Variants in RNF2 observed in about 807,000 individuals in gnomAD.
RNF2 encodes the protein E3 ubiquitin-protein ligase RING2.
A neutral mutation model predicts 37.2 loss-of-function variants in RNF2; 6 were observed. The observed-to-expected ratio is 0.16, with a 90% confidence interval of 0.09 to 0.32. RNF2 has a LOEUF of 0.32. Among genes scored for constraint, RNF2 ranks in the 10% least tolerant of loss-of-function variants. RNF2 has a pLI of 1.00. For missense variants in RNF2, 251 were observed against 404.0 expected (o/e 0.62, Z 3.25); for synonymous variants, 133 against 132.7 (o/e 1.00, Z -0.02).
chr1:185,094,131 G>GT (rs201377412), intron 4 of RNF2, among the ~76,000 whole-genome samples: 14,775 of 146,234 alleles, frequency 0.1, 906 homozygotes, highest in East Asian at 0.26. Flanking sequence ...TTTGGAGTCA[G>GT]TTTTTTTTTT....
At chr1:185,097,997 G>A in intron 4 of RNF2, 75 bp from the exon 5 acceptor site, 1 of 1,516,900 alleles carries the variant, frequency 6.6e-7, no homozygotes, top group Non-Finnish European at 8.9e-7. Flanking sequence ...AAGTTCAGTA[G>A]CAAACATGCT....
rs560619231 is a variant in RNF2 at position 185,059,229 on chromosome 1, A to T, written c.-3+13580A>T. Among the ~76,000 whole-genome samples, 137 of 31,320 alleles carry T rather than the reference A, an allele frequency of 4.4e-3. 1 individual carries two copies. Among genetic ancestry groups the T allele is most frequent in the Middle Eastern group, 0.013 (1 of 76 alleles). 20.5% of individuals were successfully genotyped at this position (31,320 alleles called of 152,430 possible). A position where few individuals can be genotyped will look rare whatever the true frequency, so the allele number is the denominator to read the frequency against. ...AGTCTCCTGAATCCCAGTCTGGATT[A>T]AAAAAAAAAAACCTCCGTAATAGTT... On this transcript the variant is annotated intron_variant, in intron 1 of 6. Coordinates refer to ENST00000367510, the MANE Select transcript of RNF2 (RefSeq NM_007212.4).
intron 4 of RNF2, among the ~76,000 whole-genome samples, chr1:185,094,139 T>A (rs1196423254): frequency 6.6e-6 from 1 of 151,746 alleles, no homozygotes. Context: ...CAGTTTTTTT[T>A]TTTTATTTTT....
chr1:185,063,830 A>T lies in RNF2; in HGVS notation c.-3+18181A>T, dbSNP rs558144937. ...TCAGGCCAGCTTCCCAGTGTCTTAG[A>T]TTGCTCTCTTGGACTACTACCCTGG... is the stretch of plus-strand genomic sequence containing the variant. On this transcript the variant is annotated intron_variant, in intron 1 of 6. Transcript: ENST00000367510. 7.9e-5 allele frequency among the ~76,000 whole-genome samples: 12 copies of T among 152,192 alleles called. No individual in the cohort carries two copies. In the East Asian group the frequency reaches 1.9e-3, roughly 25 times the overall value.
At chr1:185,095,341 C>T (rs1273422863) in intron 4 of RNF2, among the ~76,000 whole-genome samples, 2 of 152,192 alleles carry the variant, frequency 1.3e-5, no homozygotes, top group African/African-American at 2.4e-5. Context: ...TCTTCAGACT[C>T]ACCAAGCATG....
chr1:185,098,223 G>C lies in RNF2; in HGVS notation c.616G>C (p.Glu206Gln). Reference protein sequence around the residue: ...RTKTSDDSGLELDNNNAAMAI... With the variant: ...RTKTSDDSGLQLDNNNAAMAI... ...CAAAACATCTGATGATTCTGGGCTAGAGCTTGATAATAACAATGCAGCAAT... is the reference window on the plus strand; with the variant it reads ...CAAAACATCTGATGATTCTGGGCTACAGCTTGATAATAACAATGCAGCAAT... The change falls in exon 5 of 7, where the codon GAG becomes CAG. Residue 206 changes from glutamate to glutamine, a missense_variant. Transcript: ENST00000367510. 6.2e-7 allele frequency: 1 copy of C among 1,614,214 alleles called. No individual in the cohort carries two copies. The highest frequency in any genetic ancestry group is 8.5e-7 in the Non-Finnish European group (1 of 1,180,026).
intron 1 of RNF2, among the ~76,000 whole-genome samples, chr1:185,074,231 G>A (rs1571309412): frequency 6.6e-6 from 1 of 152,146 alleles, no homozygotes; most frequent in African/African-American, 2.4e-5. Flanking sequence ...GACCTTCCAC[G>A]AGTTCCATCA....
chr1:185,097,261 T>C (rs2102207299), intron 4 of RNF2, among the ~76,000 whole-genome samples: 1 of 152,338 alleles, frequency 6.6e-6, no homozygotes, highest in South Asian at 2.1e-4. Flanking sequence ...GCAGCTTCTG[T>C]GTCCACGTTG....
intron 1 of RNF2, among the ~76,000 whole-genome samples, chr1:185,084,434 A>G (rs945356878): frequency 6.6e-6 from 1 of 152,202 alleles, no homozygotes; most frequent in Admixed American, 6.5e-5. Context: ...GCTGATGGTG[A>G]TGCTAAAGCA....
chr1:185,095,720 C>A (rs1651892487), intron 4 of RNF2, among the ~76,000 whole-genome samples: 1 of 152,182 alleles, frequency 6.6e-6, no homozygotes, highest in Non-Finnish European at 1.5e-5. Flanking sequence ...AAATTAGTCT[C>A]TTGTGTGCAG....
chr1:185,094,502 T>C (rs891768570), intron 4 of RNF2, among the ~76,000 whole-genome samples: 5 of 151,580 alleles, frequency 3.3e-5, no homozygotes, highest in Non-Finnish European at 7.4e-5. Context: ...TAAACAAATA[T>C]TTTTTGCTTT....
At chr1:185,085,067 C>T (rs1651541023) in intron 1 of RNF2, among the ~76,000 whole-genome samples, 1 of 151,818 alleles carries the variant, frequency 6.6e-6, no homozygotes, top group South Asian at 2.1e-4. Flanking sequence ...TCTTCCAACG[C>T]ATACTTTTCT....
At chr1:185,070,973 G>T (rs1650955780) in intron 1 of RNF2, among the ~76,000 whole-genome samples, 1 of 152,110 alleles carries the variant, frequency 6.6e-6, no homozygotes, top group African/African-American at 2.4e-5. Flanking sequence ...CTAACTTAAG[G>T]ATTGTATCTT....
At chr1:185,056,554 A>G (rs538877446) in intron 1 of RNF2, among the ~76,000 whole-genome samples, 34 of 112,300 alleles carry the variant, frequency 3.0e-4, no homozygotes, top group African/African-American at 1.1e-3. Context: ...TTATTTTTGT[A>G]GAGACGGGGT....
At chr1:185,057,137 G>A (rs901091675) in intron 1 of RNF2, among the ~76,000 whole-genome samples, 2 of 151,930 alleles carry the variant, frequency 1.3e-5, no homozygotes, top group Non-Finnish European at 2.9e-5. Flanking sequence ...ATGAAACCCT[G>A]TCTCTATAAA....
intron 1 of RNF2, among the ~76,000 whole-genome samples, chr1:185,084,525 A>G (rs1365396261): frequency 6.6e-6 from 1 of 152,152 alleles, no homozygotes; most frequent in Admixed American, 6.5e-5. Flanking sequence ...TTTGCAAGAG[A>G]ATCTTCTAGG....
chr1:185,067,492 G>T (rs1352490570), intron 1 of RNF2, among the ~76,000 whole-genome samples: 5 of 152,126 alleles, frequency 3.3e-5, no homozygotes, highest in African/African-American at 4.8e-5. Context: ...AAAAGGAAAA[G>T]AAAAATGCTA....
intron 1 of RNF2, chr1:185,045,958 T>A (rs1331110109): frequency 2.0e-5 from 3 of 151,632 alleles, no homozygotes; most frequent in Middle Eastern, 3.4e-3. Flanking sequence ...CGCTGCCCTT[T>A]CCTCTGCGCG....
In RNF2 at chr1:185,099,252, T is replaced by C. The variant is rs111664205; in HGVS notation, c.738-539T>C. Among the ~76,000 whole-genome samples, 625 of 152,270 alleles carry C rather than the reference T, an allele frequency of 4.1e-3. 5 individuals carry two copies. Among genetic ancestry groups the C allele is most frequent in the African/African-American group, 0.014 (588 of 41,546 alleles). On this transcript the variant is annotated intron_variant, in intron 5 of 6. Coordinates refer to ENST00000367510, the MANE Select transcript of RNF2 (RefSeq NM_007212.4). ...TAGTAGAAATGGGGTTTCACCATGT[T>C]GGCCAGGCTGGTCTCGAACTCCTGA...
Sources: allele counts gnomAD v4.1 joint callset (sites outside exome capture counted in the v4.1 genomes callset), GRCh38; gene constraint gnomAD v4.1.1; transcripts MANE v1.5; gene names NCBI Gene and HGNC (gene_info 2026-07-23, HGNC 2026-07-21).